JCAD: variants seen among roughly 807,000 people sequenced by gnomAD.
JCAD encodes junctional cadherin 5-associated protein.
Under a neutral mutation model 98.0 loss-of-function variants are expected in JCAD, and 40 were observed. The ratio of observed to expected loss-of-function variants is 0.41; its 90% confidence interval spans 0.32 to 0.53. The LOEUF is 0.53. JCAD is among the 20% of genes least tolerant of loss of function. The probability of loss-of-function intolerance (pLI) is 0.31; values close to 1 mark genes in which losing one functional copy is unlikely to be tolerated. For missense variants in JCAD, 1,705 were observed against 1,738.1 expected, an observed-to-expected ratio of 0.98 and a Z score of 0.34; for synonymous variants, 691 against 682.3, an observed-to-expected ratio of 1.01 and a Z score of -0.20.
chr10:30,082,576 G>A (rs1838103265), intron 1 of JCAD, among the ~76,000 whole-genome samples: 2 of 152,134 alleles, frequency 1.3e-5, no homozygotes, highest in African/African-American at 2.4e-5. Context: ...ATTAGGCCAG[G>A]TGTGGTGGCT....
chr10:30,087,354 G>A (rs998936184), intron 1 of JCAD, among the ~76,000 whole-genome samples: 3 of 152,144 alleles, frequency 2.0e-5, no homozygotes, highest in African/African-American at 7.2e-5. Context: ...AGGGAAAATC[G>A]CTTGAACCTG....
intron 1 of JCAD, among the ~76,000 whole-genome samples, chr10:30,049,362 G>C (rs981409043): frequency 3.9e-5 from 6 of 152,322 alleles, no homozygotes; most frequent in Admixed American, 6.5e-5. Context: ...GCAGGTGAAA[G>C]GAAGATGCCT....
intron 1 of JCAD, among the ~76,000 whole-genome samples, chr10:30,111,719 G>A (rs747403145): frequency 3.9e-5 from 6 of 152,290 alleles, no homozygotes; most frequent in Admixed American, 1.3e-4. Flanking sequence ...GAGGCTCCGT[G>A]TCATTAGTCA....
chr10:30,114,606 A>C (rs1403990812), intron 1 of JCAD, among the ~76,000 whole-genome samples: 1 of 145,204 alleles, frequency 6.9e-6, no homozygotes, highest in Non-Finnish European at 1.5e-5. Flanking sequence ...AAAAACCAGG[A>C]GGTGTGGTGG....
Position 30,026,149 on chromosome 10 carries a change from C to A in JCAD, c.3999G>T (p.Pro1333=). The A allele has an allele frequency of 6.2e-7, 1 of 1,614,208 alleles. No individual in the cohort carries two copies. Among genetic ancestry groups the A allele is most frequent in the Non-Finnish European group, 8.5e-7 (1 of 1,180,046 alleles). ...CCATGCTCTTCTCCTTTTGTGCTGCCGGATGCTCCTTCTCTTCCCTGGAGA... is the reference window on the plus strand; with the variant it reads ...CCATGCTCTTCTCCTTTTGTGCTGCAGGATGCTCCTTCTCTTCCCTGGAGA... ...DSISREEKEH[P]AAQKEKSMDQ... Residue 1333 remains proline (P), a synonymous_variant, in exon 3 of 4, where the codon CCG becomes CCT. Transcript: ENST00000375377.
intron 1 of JCAD, among the ~76,000 whole-genome samples, chr10:30,092,330 G>A (rs1380635275): frequency 6.6e-6 from 1 of 151,262 alleles, no homozygotes; most frequent in Non-Finnish European, 1.5e-5. Context: ...AGGAAGGACT[G>A]AGGACAAATA....
chr10:30,025,199 G>A lies in JCAD; in HGVS notation c.4045+904C>T, dbSNP rs1052551511. On this transcript the variant is annotated intron_variant, in intron 3 of 3. Transcript: ENST00000375377. ...CTCTAACTCAACTCGTAAGGACCAAGTTTTTCTTTTCCCCTTACTGTAAAA... is the reference window on the plus strand; with the variant it reads ...CTCTAACTCAACTCGTAAGGACCAAATTTTTCTTTTCCCCTTACTGTAAAA... 2.6e-5 allele frequency among the ~76,000 whole-genome samples: 4 copies of A among 151,848 alleles called. No homozygotes were observed. In the South Asian group the frequency reaches 8.4e-4, roughly 32 times the overall value.
At chr10:30,102,665 C>A (rs554701032) in intron 1 of JCAD, among the ~76,000 whole-genome samples, 112 of 152,276 alleles carry the variant, frequency 7.4e-4, no homozygotes, top group African/African-American at 2.6e-3. Context: ...ATTTTAGATT[C>A]CTTATATAAG....
At chr10:30,079,649 A>G (rs16931026) in intron 1 of JCAD, among the ~76,000 whole-genome samples, 5,073 of 152,266 alleles carry the variant, frequency 0.033, 299 homozygotes, top group African/African-American at 0.11. Context: ...GCTTGCTCAC[A>G]TGACACACAA....
chr10:30,077,338 A>G (rs2505128), intron 1 of JCAD, among the ~76,000 whole-genome samples: 135,327 of 152,146 alleles, frequency 0.89, 60,612 homozygotes, highest in African/African-American at 0.96. Context: ...GTGCAGTGGT[A>G]CAATCTCAGC....
chr10:30,025,910 C>T, intron 3 of JCAD, 193 bp downstream of exon 3: 1 of 678,090 alleles, frequency 1.5e-6, no homozygotes, highest in Non-Finnish European at 2.5e-6. Context: ...AAATATACTG[C>T]AAGATCTTGA....
At chr10:30,038,356 T>C (rs1837164050) in intron 2 of JCAD, among the ~76,000 whole-genome samples, 1 of 152,070 alleles carries the variant, frequency 6.6e-6, no homozygotes, top group African/African-American at 2.4e-5. Context: ...GGGCGCCTCA[T>C]TGATGTGGAC....
In JCAD at chr10:30,092,052, A is replaced by T. The variant is rs1157194353; in HGVS notation, n.129-22231T>A. On this transcript the variant is annotated intron_variant and non_coding_transcript_variant, in intron 1 of 2. Transcript: ENST00000465712. ...CCCACCACAAAAAAAAAAAAAAAAAAAAAAAAAAAAAAATATATATATATA... is the reference window on the plus strand; with the variant it reads ...CCCACCACAAAAAAAAAAAAAAAAATAAAAAAAAAAAAATATATATATATA... Among the ~76,000 whole-genome samples, 85 of 25,370 alleles carry T rather than the reference A, an allele frequency of 3.4e-3. 5 individuals carry two copies. The highest frequency in any genetic ancestry group is 0.012 in the African/African-American group (81 of 6,530). 16.6% of individuals were successfully genotyped at this position (25,370 alleles called of 152,430 possible).
chr10:30,089,666 T>C (rs921382291), intron 1 of JCAD, among the ~76,000 whole-genome samples: 14 of 152,106 alleles, frequency 9.2e-5, no homozygotes, highest in African/African-American at 2.4e-4. Context: ...GAATACAGGG[T>C]TACCATCACC....
chr10:30,027,250 G>A lies in JCAD; in HGVS notation c.2898C>T (p.Asp966=), dbSNP rs754512845. Residue 966 remains aspartate, a synonymous_variant, in exon 3 of 4, where the codon GAC becomes GAT. Transcript: ENST00000375377. ...CAGGAAATGGGCTACCTGCCAGCTCGTCCATTCCGTTGCTAACCTCCAGGT... is the reference window on the plus strand; with the variant it reads ...CAGGAAATGGGCTACCTGCCAGCTCATCCATTCCGTTGCTAACCTCCAGGT... The part of the protein sequence containing the change: ...KRHLEVSNGM[D]ELAGSPFPVT... The A allele has an allele frequency of 2.9e-5, 47 of 1,614,076 alleles. No homozygotes were observed. The Admixed American group carries it at 7.7e-4, about 26-fold the overall frequency.
Position 30,027,512 on chromosome 10 carries a change from A to G in JCAD, c.2636T>C (p.Val879Ala). Reference sequence around the variant, plus strand: ...TTCCGGGCTGTTTCCGCGGAAGCCCACATCCTCCTGTCTGCAGTGAGCACG... The same window carrying G: ...TTCCGGGCTGTTTCCGCGGAAGCCCGCATCCTCCTGTCTGCAGTGAGCACG... Reference protein sequence around the residue: ...ENRAHCRQEDVGFRGNSPEMR... With the variant: ...ENRAHCRQEDAGFRGNSPEMR... The change falls in exon 3 of 4, where the codon GTG (valine) becomes GCG (alanine). Residue 879 changes from valine (V) to alanine (A), a missense_variant. Physicochemically the swap from Val to Ala is moderately conservative, Grantham distance 64. Transcript: ENST00000375377. 6.2e-7 allele frequency: 1 copy of G among 1,611,216 alleles called. No individual in the cohort carries two copies. Among genetic ancestry groups the G allele is most frequent in the South Asian group, 1.1e-5 (1 of 91,062 alleles).
chr10:30,092,048 A>T (rs1838278195), intron 1 of JCAD, among the ~76,000 whole-genome samples: 2 of 30,232 alleles, frequency 6.6e-5, no homozygotes, highest in African/African-American at 3.7e-4. Flanking sequence ...AAAAAAAAAA[A>T]AAAAAAAAAA....
intron 1 of JCAD, among the ~76,000 whole-genome samples, chr10:30,099,721 A>G (rs1838437569): frequency 6.6e-6 from 1 of 152,186 alleles, no homozygotes; most frequent in African/African-American, 2.4e-5. Context: ...GATGTTAGAT[A>G]TGAGTTCTAA....
chr10:30,039,848 C>CCTG (rs1308560327), intron 2 of JCAD, among the ~76,000 whole-genome samples: 3 of 151,562 alleles, frequency 2.0e-5, no homozygotes, highest in African/African-American at 7.3e-5. Flanking sequence ...CTTAACTGCC[C>CCTG]CTGCCTCTGA....
Sources: allele counts gnomAD v4.1 joint callset (sites outside exome capture counted in the v4.1 genomes callset), GRCh38; gene constraint gnomAD v4.1.1; transcripts MANE v1.5; gene names NCBI Gene and HGNC (gene_info 2026-07-23, HGNC 2026-07-21).